PDE1A: variants seen among roughly 807,000 people sequenced by gnomAD.
PDE1A encodes dual specificity calcium/calmodulin-dependent 3',5'-cyclic nucleotide phosphodiesterase 1A.
Under a neutral mutation model 61.7 loss-of-function variants are expected in PDE1A, and 35 were observed. The ratio of observed to expected loss-of-function variants is 0.57; its 90% CI spans 0.43 to 0.75. The LOEUF is 0.75. Among genes scored for constraint, PDE1A ranks in the 30% least tolerant of loss-of-function variants. The pLI, the probability that PDE1A is intolerant of heterozygous loss-of-function variation, is 0.00. For missense variants in PDE1A, 597 were observed against 630.6 expected, an observed-to-expected ratio of 0.95 and a Z score of 0.57; for synonymous variants, 232 against 213.2, an observed-to-expected ratio of 1.09 and a Z score of -0.77.
chr2:182,651,676 TATTTGTTA>T, the PDE1A span, among the ~76,000 whole-genome samples: 5 of 152,258 alleles, frequency 3.3e-5, no homozygotes, highest in African/African-American at 1.2e-4. Flanking sequence ...AGGGAAACAA[TATTTGTTA>T]ATCTAACATT....
intron 1 of PDE1A, among the ~76,000 whole-genome samples, chr2:182,346,122 T>C (rs1027808574): frequency 1.3e-5 from 2 of 152,332 alleles, no homozygotes; most frequent in South Asian, 4.1e-4. Context: ...TTAGATTTTC[T>C]AGAAACATAA....
chr2:182,426,502 TC>T, intron 1 of PDE1A, 75 bp downstream of exon 1: 1 of 1,038,878 alleles, frequency 9.6e-7, no homozygotes, highest in Non-Finnish European at 1.5e-6. Flanking sequence ...AGTGGCAGAA[TC>T]CCCAAATTAA....
chr2:182,480,610 C>T lies in PDE1A; in HGVS notation c.101+41666G>A, dbSNP rs575146930. Among the ~76,000 whole-genome samples the T allele has an allele frequency of 3.3e-5, 5 of 151,994 alleles. No individual in the cohort carries two copies. The South Asian group carries it at 1.0e-3, about 32-fold the overall frequency. ...CCATGCAAATGAAGTGATGTGTAGGCATTGTATTGGATATTATAAGTAACT... is the reference window on the plus strand; with the variant it reads ...CCATGCAAATGAAGTGATGTGTAGGTATTGTATTGGATATTATAAGTAACT... On this transcript the variant is annotated intron_variant, in intron 2 of 14. Transcript: ENST00000410103.
chr2:182,288,932 A>G (rs1490398465), intron 1 of PDE1A, among the ~76,000 whole-genome samples: 1 of 152,064 alleles, frequency 6.6e-6, no homozygotes, highest in Non-Finnish European at 1.5e-5. Flanking sequence ...TTCTTTTGAC[A>G]ATGAATCAAA....
the PDE1A span, among the ~76,000 whole-genome samples, chr2:182,549,217 A>T: frequency 1.3e-5 from 2 of 152,288 alleles, no homozygotes; most frequent in Admixed American, 6.5e-5. Context: ...TTGAAAAAAA[A>T]TAACAAGCAC....
At chr2:182,282,636 T>C (rs1188004754) in intron 1 of PDE1A, among the ~76,000 whole-genome samples, 1 of 152,050 alleles carries the variant, frequency 6.6e-6, no homozygotes. Flanking sequence ...GTGTTAGTTA[T>C]GTGTGAGTAC....
At chr2:182,146,472 G>A (rs1181993939), downstream of PDE1A, among the ~76,000 whole-genome samples, 2 of 152,126 alleles carry the variant, frequency 1.3e-5, no homozygotes, top group Admixed American at 1.3e-4. Flanking sequence ...CCCCATGAAC[G>A]TATTTATTAT....
chr2:182,354,347 C>T (rs1037632433), intron 1 of PDE1A, among the ~76,000 whole-genome samples: 2 of 152,050 alleles, frequency 1.3e-5, no homozygotes, highest in Non-Finnish European at 2.9e-5. Context: ...TATTTGAAAG[C>T]GAGAACAGGG....
intron 2 of PDE1A, among the ~76,000 whole-genome samples, chr2:182,250,119 A>G (rs1455165785): frequency 2.6e-5 from 4 of 152,150 alleles, no homozygotes; most frequent in Non-Finnish European, 5.9e-5. Flanking sequence ...CTGAGTACCC[A>G]GACTGCCTTC....
chr2:182,604,539 G>T, the PDE1A span, among the ~76,000 whole-genome samples: 2 of 152,156 alleles, frequency 1.3e-5, no homozygotes, highest in East Asian at 3.8e-4. Context: ...CCAAGGATAT[G>T]GAGAATACAG....
the PDE1A span, among the ~76,000 whole-genome samples, chr2:182,528,422 C>A: frequency 6.6e-6 from 1 of 152,260 alleles, no homozygotes; most frequent in Middle Eastern, 3.4e-3. Context: ...AGCAGCAAAG[C>A]AGTCAAGAAG....
At chr2:182,379,165 A>T (rs562202887) in intron 1 of PDE1A, among the ~76,000 whole-genome samples, 2 of 152,366 alleles carry the variant, frequency 1.3e-5, no homozygotes, top group South Asian at 4.1e-4. Context: ...GTGTAAAAAA[A>T]AATTCCATCC....
At chr2:182,367,952 CTCTG>C (rs959410271) in intron 1 of PDE1A, among the ~76,000 whole-genome samples, 1 of 152,084 alleles carries the variant, frequency 6.6e-6, no homozygotes, top group Non-Finnish European at 1.5e-5. Flanking sequence ...ACCAACACCA[CTCTG>C]TCTTTCTTTT....
chr2:182,155,364 C>T (rs377583799), intron 13 of PDE1A, among the ~76,000 whole-genome samples: 24 of 152,190 alleles, frequency 1.6e-4, no homozygotes, highest in African/African-American at 4.8e-4. Context: ...GTTGGGATTA[C>T]GGGCATGAGC....
the PDE1A span, among the ~76,000 whole-genome samples, chr2:182,611,923 G>A: frequency 9.5e-4 from 145 of 152,216 alleles, 2 homozygotes; most frequent in African/African-American, 3.3e-3. Flanking sequence ...AGAACAGCCA[G>A]GCCAGCTGCT....
rs182440059 is a variant in PDE1A at position 182,487,719 on chromosome 2, G to A, written c.101+34557C>T. ...TGACACAAGGGAACTTTTAAGGATTGCATAACTCTAAAAATTTTTTGAAAA... is the reference window on the plus strand; with the variant it reads ...TGACACAAGGGAACTTTTAAGGATTACATAACTCTAAAAATTTTTTGAAAA... On this transcript the variant is annotated intron_variant, in intron 2 of 14. Coordinates refer to the PDE1A transcript ENST00000410103. Among the ~76,000 whole-genome samples, 7 of 152,152 alleles carry A rather than the reference G, an allele frequency of 4.6e-5. No homozygotes were observed. In the East Asian group the frequency reaches 1.4e-3, roughly 29 times the overall value.
the PDE1A span, among the ~76,000 whole-genome samples, chr2:182,695,666 C>CAA: frequency 3.5e-3 from 116 of 32,828 alleles, no homozygotes; most frequent in Non-Finnish European, 4.2e-3. Flanking sequence ...GGCCCTCTCT[C>CAA]AAAAAAAAAA....
intron 2 of PDE1A, among the ~76,000 whole-genome samples, chr2:182,442,611 TTTAA>T (rs1023767030): frequency 1.3e-5 from 2 of 152,090 alleles, no homozygotes; most frequent in Non-Finnish European, 2.9e-5. Context: ...TATATGCATG[TTTAA>T]TTATACATGA....
intron 2 of PDE1A, among the ~76,000 whole-genome samples, chr2:182,479,421 A>G (rs1207479289): frequency 2.0e-5 from 3 of 151,976 alleles, no homozygotes; most frequent in African/African-American, 7.2e-5. Context: ...CTCTAATTTA[A>G]CCCCTAATTA....
Sources: allele counts gnomAD v4.1 joint callset (sites outside exome capture counted in the v4.1 genomes callset), GRCh38; gene constraint gnomAD v4.1.1; transcripts MANE v1.5; gene names NCBI Gene and HGNC (gene_info 2026-07-23, HGNC 2026-07-21).